ITPR2: variants seen among roughly 807,000 people sequenced by gnomAD.
The protein encoded by ITPR2 is inositol 1,4,5-trisphosphate-gated calcium channel ITPR2.
In ITPR2, 207 loss-of-function variants were observed where a neutral mutation model predicts 317.1. The observed-to-expected ratio is 0.65, with a 90% CI of 0.58 to 0.73. The LOEUF (loss-of-function observed/expected upper bound fraction) is 0.73. Among genes scored for constraint, ITPR2 ranks in the 30% least tolerant of loss-of-function variants. The pLI, the probability that ITPR2 is intolerant of heterozygous loss-of-function variation, is 0.00. For synonymous variants in ITPR2, 1,156 were observed against 1,149.1 expected (o/e 1.01, Z -0.12); for missense variants, 2,613 against 3,284.0 (o/e 0.80, Z 4.99).
At position 26,659,063 on chromosome 12, in the gene ITPR2, T is replaced by C. The variant is rs780283636; in HGVS notation, c.1886+50A>G. On this transcript the variant is annotated intron_variant, in intron 16 of 56. Transcript: ENST00000381340. ...TTTTAAAAGTTCTAAAAATAAAACA[T>C]AAAGCCGCAATCTCCACTAGAAAAG... 6 of 1,460,060 alleles carry C rather than the reference T, an allele frequency of 4.1e-6. No homozygotes were observed. The East Asian group carries it at 1.1e-4, about 28-fold the overall frequency. 90.4% of individuals were successfully genotyped at this position (1,460,060 alleles called of 1,614,324 possible).
At chr12:26,732,307 T>C (rs1488962883) in intron 2 of ITPR2, among the ~76,000 whole-genome samples, 41 of 152,204 alleles carry the variant, frequency 2.7e-4, no homozygotes, top group Admixed American at 2.6e-3. Context: ...ATCCAATCTT[T>C]CCCTTCCTTG....
intron 1 of ITPR2, among the ~76,000 whole-genome samples, chr12:26,808,669 C>T (rs984826179): frequency 4.6e-5 from 7 of 152,046 alleles, no homozygotes; most frequent in East Asian, 1.9e-4. Context: ...TAAAATCTTG[C>T]GGTTAGGCAT....
chr12:26,358,782 C>T (rs538662301), intron 55 of ITPR2, among the ~76,000 whole-genome samples: 1 of 152,196 alleles, frequency 6.6e-6, no homozygotes. Flanking sequence ...CCTCCCCTCC[C>T]CCATCTGTGG....
chr12:26,667,875 T>C (rs1947663236), intron 13 of ITPR2, among the ~76,000 whole-genome samples: 1 of 151,332 alleles, frequency 6.6e-6, no homozygotes, highest in African/African-American at 2.4e-5. Flanking sequence ...TGGTGACGGT[T>C]AATGGAATGA....
chr12:26,766,872 A>T (rs1248069174), intron 2 of ITPR2, among the ~76,000 whole-genome samples: 3 of 152,230 alleles, frequency 2.0e-5, no homozygotes, highest in Non-Finnish European at 2.9e-5. Flanking sequence ...TTGAGGCAAT[A>T]TAGGACAATT....
At chr12:26,721,276 C>A in intron 5 of ITPR2, 2 of 573,402 alleles carry the variant, frequency 3.5e-6, no homozygotes, top group Non-Finnish European at 6.5e-6. Flanking sequence ...ATGCTTCTAC[C>A]AAACCTTACC....
chr12:26,755,926 G>C (rs1432606726), intron 2 of ITPR2, among the ~76,000 whole-genome samples: 1 of 152,060 alleles, frequency 6.6e-6, no homozygotes, highest in Non-Finnish European at 1.5e-5. Flanking sequence ...ACCTCAAAAG[G>C]AAAGGAATTT....
intron 13 of ITPR2, among the ~76,000 whole-genome samples, chr12:26,669,914 AG>A (rs1947715976): frequency 6.6e-6 from 1 of 152,248 alleles, no homozygotes; most frequent in African/African-American, 2.4e-5. Context: ...CATGGCTGGG[AG>A]GGTCCTACGC....
intron 13 of ITPR2, among the ~76,000 whole-genome samples, chr12:26,681,344 T>C (rs1302668908): frequency 6.6e-6 from 1 of 152,218 alleles, no homozygotes; most frequent in Non-Finnish European, 1.5e-5. Context: ...AATATCATTC[T>C]CTTTCTTACT....
intron 47 of ITPR2, among the ~76,000 whole-genome samples, chr12:26,437,104 C>T (rs1029127083): frequency 1.3e-5 from 2 of 152,210 alleles, no homozygotes; most frequent in African/African-American, 4.8e-5. Context: ...GTTCTTTCCA[C>T]CTCTGTTAAA....
chr12:26,694,063 A>T (rs1948289060), intron 10 of ITPR2, among the ~76,000 whole-genome samples: 1 of 152,216 alleles, frequency 6.6e-6, no homozygotes, highest in Non-Finnish European at 1.5e-5. Flanking sequence ...CACACAGAAT[A>T]TTACAAAAAT....
chr12:26,574,518 C>A (rs1316240635), intron 34 of ITPR2, among the ~76,000 whole-genome samples: 1 of 152,120 alleles, frequency 6.6e-6, no homozygotes, highest in Non-Finnish European at 1.5e-5. Flanking sequence ...TTGACAGCTG[C>A]TTTATAGTTG....
chr12:26,356,386 T>A (rs1333206446), intron 55 of ITPR2, among the ~76,000 whole-genome samples: 15 of 152,184 alleles, frequency 9.9e-5, no homozygotes. Context: ...AAACTTAAAA[T>A]GATGAAGCCC....
intron 15 of ITPR2, among the ~76,000 whole-genome samples, chr12:26,661,900 C>CA (rs1947513233): frequency 6.6e-6 from 1 of 151,976 alleles, no homozygotes. Flanking sequence ...ATTCTTCTTC[C>CA]AAAAAAATAT....
At chr12:26,752,674 G>A (rs1949446706) in intron 2 of ITPR2, among the ~76,000 whole-genome samples, 1 of 152,186 alleles carries the variant, frequency 6.6e-6, no homozygotes, top group Admixed American at 6.5e-5. Context: ...ATTGTTTTAT[G>A]CCTTTACTTT....
At chr12:26,388,374 T>A (rs569165119) in intron 54 of ITPR2, among the ~76,000 whole-genome samples, 1 of 152,244 alleles carries the variant, frequency 6.6e-6, no homozygotes, top group South Asian at 2.1e-4. Flanking sequence ...GCTCAGATAC[T>A]GAAGAAGAAA....
At chr12:26,792,924 A>T (rs1950368351) in intron 1 of ITPR2, among the ~76,000 whole-genome samples, 1 of 152,186 alleles carries the variant, frequency 6.6e-6, no homozygotes, top group South Asian at 2.1e-4. Context: ...GATCCTAGAG[A>T]CTATCCACAT....
intron 52 of ITPR2, among the ~76,000 whole-genome samples, chr12:26,408,261 A>C (rs554643001): frequency 1.3e-5 from 2 of 152,364 alleles, no homozygotes; most frequent in South Asian, 4.1e-4. Context: ...ATGTGAAAAA[A>C]TGAATGAAGG....
intron 39 of ITPR2, among the ~76,000 whole-genome samples, chr12:26,490,035 A>C (rs1313261894): frequency 1.3e-5 from 2 of 152,244 alleles, no homozygotes; most frequent in African/African-American, 4.8e-5. Context: ...GAGTAGAGGA[A>C]GGCTGGTCCT....
Sources: allele counts gnomAD v4.1 joint callset (sites outside exome capture counted in the v4.1 genomes callset), GRCh38; gene constraint gnomAD v4.1.1; transcripts MANE v1.5; gene names NCBI Gene and HGNC (gene_info 2026-07-23, HGNC 2026-07-21).